The following KAZN variants were observed in gnomAD, a reference collection of about 807,000 sequenced individuals.
The protein encoded by KAZN is kazrin.
Under a neutral mutation model 87.4 loss-of-function variants are expected in KAZN, and 40 were observed. The observed-to-expected ratio is 0.46, with a 90% CI of 0.36 to 0.60. The LOEUF (loss-of-function observed/expected upper bound fraction) is 0.60, where lower values mean the gene tolerates loss of function less well. Among genes scored for constraint, KAZN ranks in the 20% least tolerant of loss-of-function variants. The pLI, the probability that KAZN is intolerant of heterozygous loss-of-function variation, is 0.00. For missense variants in KAZN, 898 were observed against 1,073.9 expected (o/e 0.84, Z 2.29); for synonymous variants, 466 against 458.3 (o/e 1.02, Z -0.22).
chr1:14,082,439 A>G (rs1050833381), intron 1 of KAZN, among the ~76,000 whole-genome samples: 4 of 152,180 alleles, frequency 2.6e-5, no homozygotes, highest in African/African-American at 9.7e-5. Flanking sequence ...ATTTCACAAC[A>G]AGGGCCAGGC....
At chr1:14,067,936 A>C (rs995205341) in intron 1 of KAZN, among the ~76,000 whole-genome samples, 1 of 152,188 alleles carries the variant, frequency 6.6e-6, no homozygotes, top group East Asian at 1.9e-4. Flanking sequence ...GTTTTCATTC[A>C]TTAGTGTTCC....
chr1:14,855,641 C>T (rs184401547), intron 1 of KAZN, among the ~76,000 whole-genome samples: 91 of 152,324 alleles, frequency 6.0e-4, no homozygotes, highest in Admixed American at 6.5e-4. Context: ...GAACACAAAC[C>T]TGGTAGCTGT....
At chr1:14,530,252 C>T (rs185251145) in intron 2 of KAZN, among the ~76,000 whole-genome samples, 273 of 152,276 alleles carry the variant, frequency 1.8e-3, no homozygotes, top group African/African-American at 6.3e-3. Context: ...AAACTTAACA[C>T]CCAAAGCAGA....
intron 1 of KAZN, among the ~76,000 whole-genome samples, chr1:13,937,557 C>T (rs928269901): frequency 3.3e-5 from 5 of 152,052 alleles, no homozygotes; most frequent in African/African-American, 7.2e-5. Flanking sequence ...TTTTTGTTTT[C>T]GTTGCATTTG....
intron 2 of KAZN, among the ~76,000 whole-genome samples, chr1:14,200,531 CA>C (rs1309132577): frequency 6.6e-6 from 1 of 152,156 alleles, no homozygotes; most frequent in African/African-American, 2.4e-5. Flanking sequence ...AAAAGGGCAG[CA>C]AATTTGGATT....
chr1:15,042,044 A>G (rs1009157182), intron 3 of KAZN, among the ~76,000 whole-genome samples: 1 of 152,214 alleles, frequency 6.6e-6, no homozygotes, highest in Non-Finnish European at 1.5e-5. Context: ...CTGCCGCGGA[A>G]TATGACCCCA....
intron 1 of KAZN, among the ~76,000 whole-genome samples, chr1:14,115,919 A>G (rs995247767): frequency 2.0e-5 from 3 of 152,198 alleles, no homozygotes; most frequent in African/African-American, 7.2e-5. Flanking sequence ...GTTTTACCAA[A>G]GAGTCTGGCA....
chr1:14,893,220 G>C (rs1263073923), intron 1 of KAZN, among the ~76,000 whole-genome samples: 1 of 152,174 alleles, frequency 6.6e-6, no homozygotes, highest in Non-Finnish European at 1.5e-5. Flanking sequence ...GCGAAATGTA[G>C]CTGGGCGTGG....
intron 1 of KAZN, among the ~76,000 whole-genome samples, chr1:14,166,077 G>A (rs939930162): frequency 2.0e-5 from 3 of 152,232 alleles, no homozygotes; most frequent in Admixed American, 1.3e-4. Flanking sequence ...CACTTCGGGA[G>A]GCAGAGGTGG....
chr1:14,862,376 C>T (rs138407478), intron 1 of KAZN, among the ~76,000 whole-genome samples: 9 of 152,218 alleles, frequency 5.9e-5, no homozygotes, highest in South Asian at 4.2e-4. Context: ...CTGGCTTTCT[C>T]GGGGTGCTAC....
At chr1:14,168,875 C>G (rs1645889633) in intron 1 of KAZN, among the ~76,000 whole-genome samples, 1 of 152,080 alleles carries the variant, frequency 6.6e-6, no homozygotes, top group Non-Finnish European at 1.5e-5. Flanking sequence ...TGCATGCAAG[C>G]CACTCAGCAC....
chr1:14,342,323 A>G (rs1657793271), intron 2 of KAZN, among the ~76,000 whole-genome samples: 1 of 152,138 alleles, frequency 6.6e-6, no homozygotes, highest in Non-Finnish European at 1.5e-5. Flanking sequence ...TTATTATAGA[A>G]CAATTTCTGT....
At position 14,258,218 on chromosome 1, in the gene KAZN, C is replaced by CTTTCTT. The variant is rs539198790; in HGVS notation, c.249+77629_249+77630insCTTTTT. Among the ~76,000 whole-genome samples the CTTTCTT allele has an allele frequency of 1.5e-3, 190 of 126,414 alleles. 1 individual carries two copies. The highest frequency in any genetic ancestry group is 3.5e-3 in the African/African-American group (117 of 33,150). The allele number at this position is 126,414 out of a possible 152,430, so 82.9% of individuals were successfully genotyped here. A position where few individuals can be genotyped will look rare whatever the true frequency, so the allele number is the denominator to read the frequency against. ...AGATTCTTTCTTTCTTTCTTTCTTT[C>CTTTCTT]TTTTTTTTTTTTTTTGAGACAGAGT... is the stretch of plus-strand genomic sequence containing the variant. On this transcript the variant is annotated intron_variant, in intron 2 of 16. Transcript: ENST00000636203.
At chr1:14,580,023 A>G (rs557659491) in intron 2 of KAZN, among the ~76,000 whole-genome samples, 1 of 152,330 alleles carries the variant, frequency 6.6e-6, no homozygotes, top group African/African-American at 2.4e-5. Flanking sequence ...AGGGATAATT[A>G]GTACCCATTG....
chr1:14,553,632 C>G (rs187932623), intron 2 of KAZN, among the ~76,000 whole-genome samples: 25 of 152,290 alleles, frequency 1.6e-4, no homozygotes, highest in African/African-American at 5.8e-4. Context: ...CTGCTCAGTG[C>G]GTGAGCTTAT....
chr1:15,063,298 T>G, intron 6 of KAZN: 3 of 493,374 alleles, frequency 6.1e-6, no homozygotes, highest in South Asian at 6.3e-5. Context: ...CGCCCTGGAG[T>G]GGCTAATTTG....
intron 1 of KAZN, among the ~76,000 whole-genome samples, chr1:13,954,753 T>G (rs1380308591): frequency 5.9e-5 from 9 of 152,320 alleles, no homozygotes; most frequent in Admixed American, 2.6e-4. Flanking sequence ...TGCCCATAAT[T>G]TATCCCTGTA....
chr1:14,216,589 A>G (rs890136885), intron 2 of KAZN, among the ~76,000 whole-genome samples: 1 of 152,224 alleles, frequency 6.6e-6, no homozygotes, highest in Admixed American at 6.5e-5. Context: ...TAGTAAAACT[A>G]TACTGAACTA....
At chr1:14,467,638 T>C (rs982219995) in intron 2 of KAZN, among the ~76,000 whole-genome samples, 7 of 85,048 alleles carry the variant, frequency 8.2e-5, no homozygotes, top group African/African-American at 3.0e-4. Flanking sequence ...AATAAAAAGA[T>C]GGAAAAAGAA....
Sources: gnomAD v4.1 joint callset for allele counts (sites outside exome capture counted in the v4.1 genomes callset) on GRCh38, gnomAD v4.1.1 for gene constraint, MANE v1.5 for transcripts, NCBI Gene and HGNC (gene_info 2026-07-23, HGNC 2026-07-21) for gene names.